The following TBL1XR1 variants were observed in gnomAD, a reference collection of about 807,000 sequenced individuals.
TBL1XR1 encodes F-box-like/WD repeat-containing protein TBL1XR1.
A neutral mutation model predicts 66.9 loss-of-function variants in TBL1XR1; 5 were observed. The ratio of observed to expected loss-of-function variants is 0.07; its 90% CI spans 0.04 to 0.16. The LOEUF (loss-of-function observed/expected upper bound fraction) is 0.16. TBL1XR1 is among the 10% of genes least tolerant of loss of function. The probability of loss-of-function intolerance (pLI) is 1.00; values close to 1 mark genes in which losing one functional copy is unlikely to be tolerated. For synonymous variants in TBL1XR1, 210 were observed against 206.0 expected (o/e 1.02, Z -0.17); for missense variants, 238 against 623.2 (o/e 0.38, Z 6.58).
intron 1 of TBL1XR1, among the ~76,000 whole-genome samples, chr3:177,115,956 AAGGAATGAGGAGGCCAGGGG>A (rs1392698007): frequency 4.6e-5 from 7 of 152,140 alleles, no homozygotes; most frequent in African/African-American, 7.2e-5. Flanking sequence ...TCCGCTAGGG[AAGGAATGAGGAGGCCAGGGG>A]AAGCTTTTGC....
At position 177,112,101 on chromosome 3, in the gene TBL1XR1, ATATATATT is replaced by A. The variant is rs1320308398; in HGVS notation, c.-121-13568_-121-13561del. On this transcript the variant is annotated intron_variant, in intron 1 of 15. Coordinates refer to ENST00000457928, the MANE Select transcript of TBL1XR1 (RefSeq NM_024665.7). ...TATATATATATATATATATATATATATATATATTTTTTTTTTTTTTTTTTGTGAGGGGC... is the reference window on the plus strand; with the variant it reads ...TATATATATATATATATATATATATATTTTTTTTTTTTTTTTGTGAGGGGC... Among the ~76,000 whole-genome samples the A allele has an allele frequency of 6.4e-3, 310 of 48,076 alleles. 1 individual carries two copies. Among genetic ancestry groups the A allele is most frequent in the African/African-American group, 0.033 (288 of 8,664 alleles). The allele number at this position is 48,076 out of a possible 152,430, so 31.5% of individuals were successfully genotyped here.
intron 12 of TBL1XR1, among the ~76,000 whole-genome samples, chr3:177,035,007 T>C (rs1265073220): frequency 6.6e-6 from 1 of 151,794 alleles, no homozygotes; most frequent in Non-Finnish European, 1.5e-5. Context: ...CACATACACA[T>C]ACAACATGCC....
intron 1 of TBL1XR1, among the ~76,000 whole-genome samples, chr3:177,129,826 G>T (rs148573789): frequency 1.3e-5 from 2 of 152,102 alleles, no homozygotes; most frequent in African/African-American, 4.8e-5. Flanking sequence ...CCTCCATGAA[G>T]ACAACCTGGC....
chr3:177,100,016 C>A (rs1006714961), intron 1 of TBL1XR1, among the ~76,000 whole-genome samples: 1 of 152,156 alleles, frequency 6.6e-6, no homozygotes, highest in Non-Finnish European at 1.5e-5. Flanking sequence ...CCGAGGCGGG[C>A]CGCTTGAGCT....
chr3:177,106,906 G>A (rs1266022975), intron 1 of TBL1XR1, among the ~76,000 whole-genome samples: 5 of 117,852 alleles, frequency 4.2e-5, no homozygotes, highest in Non-Finnish European at 6.9e-5. Flanking sequence ...TAACACAACA[G>A]CATTACTACT....
chr3:177,068,659 A>G (rs1284288492), intron 2 of TBL1XR1, among the ~76,000 whole-genome samples: 2 of 152,164 alleles, frequency 1.3e-5, no homozygotes, highest in Non-Finnish European at 2.9e-5. Flanking sequence ...GTTCTCCTAC[A>G]CATCAAAGTA....
chr3:177,021,799 A>G lies in TBL1XR1; in HGVS notation c.*3699T>C, dbSNP rs1712411630. On this transcript the variant is annotated 3_prime_UTR_variant, in exon 16 of 16. Coordinates refer to ENST00000457928, the MANE Select transcript of TBL1XR1 (RefSeq NM_024665.7). ...TAGGATTTCTGCGGAAACTGTCAAC[A>G]GTAGTAATTCACCATATGCAAGTAC... 1 of 152,668 alleles carries G rather than the reference A, an allele frequency of 6.6e-6. No individual in the cohort carries two copies. Among genetic ancestry groups the G allele is most frequent in the South Asian group, 2.1e-4 (1 of 4,836 alleles). The allele number at this position is 152,668 out of a possible 1,614,324, so 9.5% of individuals were successfully genotyped here. A position where few individuals can be genotyped will look rare whatever the true frequency, so the allele number is the denominator to read the frequency against.
intron 1 of TBL1XR1, among the ~76,000 whole-genome samples, chr3:177,177,986 C>T (rs1395025914): frequency 6.6e-6 from 1 of 152,168 alleles, no homozygotes; most frequent in Non-Finnish European, 1.5e-5. Flanking sequence ...TCAGTGTAAC[C>T]TCTCTGAGGT....
rs1712474788 is a variant in TBL1XR1 at position 177,022,229 on chromosome 3, GTGA to G, written c.*3266_*3268del. ...AAAAACCTTCATGTATTTCAATCTAGTGATTACTTTTTGCACCATAATTTGTTT... is the reference window on the plus strand; with the variant it reads ...AAAAACCTTCATGTATTTCAATCTAGTTACTTTTTGCACCATAATTTGTTT... On this transcript the variant is annotated 3_prime_UTR_variant, in exon 16 of 16. Coordinates refer to ENST00000457928, the MANE Select transcript of TBL1XR1 (RefSeq NM_024665.7). The G allele has an allele frequency of 6.6e-6, 1 of 152,522 alleles. No individual in the cohort carries two copies. The highest frequency in any genetic ancestry group is 2.4e-5 in the African/African-American group (1 of 41,440). 9.4% of individuals were successfully genotyped at this position (152,522 alleles called of 1,614,324 possible).
chr3:177,040,932 A>G (rs951018134), intron 10 of TBL1XR1: 10 of 152,314 alleles, frequency 6.6e-5, no homozygotes, highest in African/African-American at 1.7e-4. Flanking sequence ...TCAAATAACT[A>G]TATTTTTAAA....
At chr3:177,035,655 C>T (rs1230058053) in intron 12 of TBL1XR1, among the ~76,000 whole-genome samples, 1 of 152,162 alleles carries the variant, frequency 6.6e-6, no homozygotes, top group African/African-American at 2.4e-5. Context: ...CTCAAGTGAA[C>T]TGCCCACGTC....
At chr3:177,148,499 A>C (rs1349382844) in intron 1 of TBL1XR1, among the ~76,000 whole-genome samples, 1 of 151,938 alleles carries the variant, frequency 6.6e-6, no homozygotes, top group African/African-American at 2.4e-5. Flanking sequence ...GTGGATAACG[A>C]GGTCAGGAGT....
chr3:177,070,433 C>T (rs1719822729), intron 2 of TBL1XR1, among the ~76,000 whole-genome samples: 1 of 152,094 alleles, frequency 6.6e-6, no homozygotes, highest in African/African-American at 2.4e-5. Flanking sequence ...AATGAAAATG[C>T]TAAGAGATAA....
intron 2 of TBL1XR1, among the ~76,000 whole-genome samples, chr3:177,076,469 A>G (rs1795228): frequency 0.017 from 2,546 of 152,302 alleles, 33 homozygotes; most frequent in Non-Finnish European, 0.027. Flanking sequence ...TATCTCTATA[A>G]GGACCCTATT....
At chr3:177,082,420 T>C (rs1721511576) in intron 2 of TBL1XR1, among the ~76,000 whole-genome samples, 1 of 151,954 alleles carries the variant, frequency 6.6e-6, no homozygotes, top group Non-Finnish European at 1.5e-5. Context: ...TTATATCTTG[T>C]AATTACAAAT....
chr3:177,185,904 A>G (rs1444936047), intron 1 of TBL1XR1, among the ~76,000 whole-genome samples: 3 of 152,122 alleles, frequency 2.0e-5, no homozygotes, highest in Non-Finnish European at 4.4e-5. Context: ...CTACCTACTC[A>G]GGAGGCTGAG....
intron 2 of TBL1XR1, among the ~76,000 whole-genome samples, chr3:177,076,339 ATGTTCTCCCTGTGTCTTCACAC>A: frequency 6.6e-6 from 1 of 152,190 alleles, no homozygotes. Context: ...TCACTTTGCC[ATGTTCTCCCTGTGTCTTCACAC>A]TGTTCTCCCT....
At chr3:177,028,331 A>C (rs1340403954) in intron 14 of TBL1XR1, among the ~76,000 whole-genome samples, 1 of 152,246 alleles carries the variant, frequency 6.6e-6, no homozygotes, top group Non-Finnish European at 1.5e-5. Context: ...AATAGTGAAA[A>C]CAAAATAATA....
At chr3:177,187,662 C>A (rs1163875021) in intron 1 of TBL1XR1, among the ~76,000 whole-genome samples, 1 of 152,026 alleles carries the variant, frequency 6.6e-6, no homozygotes, top group Non-Finnish European at 1.5e-5. Context: ...ACAAAAGCAT[C>A]CACTCAAAAA....
Sources: allele counts gnomAD v4.1 joint callset (sites outside exome capture counted in the v4.1 genomes callset), GRCh38; gene constraint gnomAD v4.1.1; transcripts MANE v1.5; gene names NCBI Gene and HGNC (gene_info 2026-07-23, HGNC 2026-07-21).